The following ATP2B4 variants were observed in gnomAD, a reference collection of about 807,000 sequenced individuals.
ATP2B4 encodes the protein plasma membrane calcium-transporting ATPase 4.
Under a neutral mutation model 110.3 loss-of-function variants are expected in ATP2B4, and 39 were observed. That is an observed-to-expected ratio of 0.35 (90% confidence interval 0.27 to 0.46). ATP2B4 has a LOEUF of 0.46. ATP2B4 is among the 20% of genes least tolerant of loss of function. The probability of loss-of-function intolerance (pLI) is 1.00; values close to 1 mark genes in which losing one functional copy is unlikely to be tolerated. For synonymous variants in ATP2B4, 538 were observed against 571.7 expected, an observed-to-expected ratio of 0.94 and a Z score of 0.84; for missense variants, 1,135 against 1,530.9, an observed-to-expected ratio of 0.74 and a Z score of 4.32.
chr1:203,652,144 C>CTTT (rs112114077), intron 1 of ATP2B4, among the ~76,000 whole-genome samples: 1 of 126,222 alleles, frequency 7.9e-6, no homozygotes, highest in Non-Finnish European at 1.6e-5. Flanking sequence ...GCAACTTCTT[C>CTTT]TTTTTTTTTT....
At chr1:203,720,993 A>C (rs1384396670) in intron 16 of ATP2B4, among the ~76,000 whole-genome samples, 2 of 152,180 alleles carry the variant, frequency 1.3e-5, no homozygotes, top group Non-Finnish European at 2.9e-5. Context: ...TTCAAAAATG[A>C]CCTTGTGAAG....
intron 6 of ATP2B4, 143 bp downstream of exon 6, chr1:203,701,066 T>C: frequency 8.5e-7 from 1 of 1,176,418 alleles, no homozygotes; most frequent in Non-Finnish European, 1.2e-6. Context: ...CTTGCTGAGA[T>C]AAAGATGTAA....
chr1:203,675,334 T>C (rs1664797260), intron 1 of ATP2B4, among the ~76,000 whole-genome samples: 1 of 152,218 alleles, frequency 6.6e-6, no homozygotes, highest in Non-Finnish European at 1.5e-5. Flanking sequence ...TTTGCCACCA[T>C]TATCACTGCA....
At chr1:203,673,033 G>C (rs1195586300) in intron 1 of ATP2B4, among the ~76,000 whole-genome samples, 1 of 152,222 alleles carries the variant, frequency 6.6e-6, no homozygotes, top group East Asian at 1.9e-4. Flanking sequence ...AGGACTAGCA[G>C]AGGGAGAGGG....
chr1:203,739,659 G>A lies in ATP2B4; in HGVS notation c.3423G>A (p.Glu1141=), dbSNP rs774547453. The A allele has an allele frequency of 6.2e-7, 1 of 1,614,170 alleles. No homozygotes were observed. Among genetic ancestry groups the A allele is most frequent in the East Asian group, 2.2e-5 (1 of 44,886 alleles). The change falls in exon 21 of 21, where the codon GAG becomes GAA. Residue 1141 remains glutamate, a synonymous_variant. Coordinates refer to ENST00000357681, the MANE Select transcript of ATP2B4 (RefSeq NM_001684.5). ...ACCCTGAATTCGCCATAGAGGAGGA[G>A]TTGCCACGAACACCACTCCTGGATG... The part of the protein sequence containing the change: ...MTHPEFAIEE[E]LPRTPLLDEE...
intron 1 of ATP2B4, among the ~76,000 whole-genome samples, chr1:203,662,126 C>A (rs879360069): frequency 7.9e-5 from 12 of 152,012 alleles, no homozygotes; most frequent in Non-Finnish European, 1.3e-4. Context: ...GGGTTTCACA[C>A]CATTCTCCTG....
At chr1:203,721,913 A>G (rs1666349119) in intron 17 of ATP2B4, among the ~76,000 whole-genome samples, 1 of 152,002 alleles carries the variant, frequency 6.6e-6, no homozygotes, top group South Asian at 2.1e-4. Flanking sequence ...TGCCCACCTC[A>G]GCCCCCCAGA....
chr1:203,655,384 G>A (rs1206960144), intron 1 of ATP2B4, among the ~76,000 whole-genome samples: 3 of 152,044 alleles, frequency 2.0e-5, no homozygotes, highest in African/African-American at 4.8e-5. Flanking sequence ...GGTGGCTCAC[G>A]TCTGTAATCC....
intron 10 of ATP2B4, among the ~76,000 whole-genome samples, chr1:203,708,837 A>C (rs902769430): frequency 5.9e-5 from 9 of 152,196 alleles, no homozygotes; most frequent in Non-Finnish European, 1.3e-4. Flanking sequence ...CCTGGGCAAC[A>C]GAGCAAGGTG....
At chr1:203,667,192 T>C (rs1664529326) in intron 1 of ATP2B4, among the ~76,000 whole-genome samples, 1 of 152,178 alleles carries the variant, frequency 6.6e-6, no homozygotes, top group South Asian at 2.1e-4. Flanking sequence ...ATTCAAGCAA[T>C]CTGCCCACCT....
rs748753019 is a variant in ATP2B4, at chr1:203,722,567, G to A, written c.2902G>A (p.Val968Met). The A allele has an allele frequency of 1.2e-5, 19 of 1,614,006 alleles. No individual in the cohort carries two copies. Among genetic ancestry groups the A allele is most frequent in the Admixed American group, 5.0e-5 (3 of 59,994 alleles). ...CTATACCATTGTTTTTAACACCTTC[G>A]TGCTGATGCAGCTCTTCAATGAAAT... Reference protein sequence around the residue: ...QHYTIVFNTFVLMQLFNEINS... With the variant: ...QHYTIVFNTFMLMQLFNEINS... Residue 968 changes from valine (V) to methionine (M), a missense_variant, in exon 18 of 21, where the codon GTG (valine) becomes ATG (methionine). This residue lies in a region of ATP2B4 where 155 missense variants were observed against 186.2 expected (regional missense o/e 0.83). Transcript: ENST00000357681.
At position 203,666,404 on chromosome 1, in the gene ATP2B4, C is replaced by G. The variant is rs138841801; in HGVS notation, c.-464-16338C>G. On this transcript the variant is annotated intron_variant, in intron 1 of 20. Transcript: ENST00000357681. ...GCAGGAGGTGGACAGCAAGGCAGGC[C>G]TCAATTCTGGAAACAGCACCTCCAC... Among the ~76,000 whole-genome samples the G allele has an allele frequency of 2.7e-3, 404 of 152,270 alleles. 2 individuals are homozygous for G. In the East Asian group the frequency reaches 0.033, roughly 13 times the overall value.
At chr1:203,707,606 T>C (rs1665887389) in intron 9 of ATP2B4, among the ~76,000 whole-genome samples, 1 of 152,130 alleles carries the variant, frequency 6.6e-6, no homozygotes, top group Non-Finnish European at 1.5e-5. Context: ...ACTTTTTGTA[T>C]CTTTTACAGA....
At chr1:203,675,130 C>T (rs1311946796) in intron 1 of ATP2B4, among the ~76,000 whole-genome samples, 2 of 152,246 alleles carry the variant, frequency 1.3e-5, no homozygotes, top group Non-Finnish European at 2.9e-5. Context: ...TACCCATGCC[C>T]TGGAGCTTTC....
chr1:203,701,995 A>G (rs1230812429), intron 6 of ATP2B4, 49 bp from the exon 7 acceptor site: 1 of 1,609,142 alleles, frequency 6.2e-7, no homozygotes. Flanking sequence ...GGATCTCTTA[A>G]TAGTTACTTT....
At chr1:203,725,461 T>C (rs1666481600) in intron 19 of ATP2B4, among the ~76,000 whole-genome samples, 1 of 152,212 alleles carries the variant, frequency 6.6e-6, no homozygotes. Flanking sequence ...AGCTCTCCTT[T>C]TTATAAGCTG....
At chr1:203,734,562 C>T (rs1022926987) in intron 20 of ATP2B4, among the ~76,000 whole-genome samples, 8 of 151,544 alleles carry the variant, frequency 5.3e-5, no homozygotes, top group Admixed American at 3.3e-4. Flanking sequence ...AAAAATTAGC[C>T]GGGCAATATG....
intron 15 of ATP2B4, among the ~76,000 whole-genome samples, chr1:203,717,622 TTTATTTTA>T (rs1167806707): frequency 7.1e-5 from 7 of 98,366 alleles, no homozygotes; most frequent in African/African-American, 2.6e-4. Flanking sequence ...TGAAATGGTA[TTTATTTTA>T]TTTATTTATT....
intron 1 of ATP2B4, among the ~76,000 whole-genome samples, chr1:203,635,773 C>T (rs1017296808): frequency 1.3e-5 from 2 of 152,250 alleles, no homozygotes; most frequent in African/African-American, 4.8e-5. Flanking sequence ...GCCAGAGGCA[C>T]TCCTAGATTC....
Sources: gnomAD v4.1 joint callset for allele counts (sites outside exome capture counted in the v4.1 genomes callset) on GRCh38, gnomAD v4.1.1 for gene constraint, gnomAD v4.1.1 regional missense constraint, MANE v1.5 for transcripts, NCBI Gene and HGNC (gene_info 2026-07-23, HGNC 2026-07-21) for gene names.